Variants in BANP observed in about 807,000 individuals in gnomAD.
BANP encodes BTG3 associated nuclear protein, also known as protein BANP.
Under a neutral mutation model 68.1 loss-of-function variants are expected in BANP, and 11 were observed. The observed-to-expected ratio is 0.16, with a 90% CI of 0.10 to 0.27. The LOEUF (loss-of-function observed/expected upper bound fraction) is 0.27, where lower values mean the gene tolerates loss of function less well. BANP is among the 10% of genes least tolerant of loss of function. The probability of loss-of-function intolerance (pLI) is 1.00; values close to 1 mark genes in which losing one functional copy is unlikely to be tolerated. For missense variants in BANP, 504 were observed against 722.7 expected, an observed-to-expected ratio of 0.70 and a Z score of 3.47; for synonymous variants, 329 against 303.2, an observed-to-expected ratio of 1.09 and a Z score of -0.88.
chr16:87,981,689 T>G (rs190901583), intron 3 of BANP, among the ~76,000 whole-genome samples: 3 of 152,346 alleles, frequency 2.0e-5, no homozygotes, highest in Non-Finnish European at 4.4e-5. Flanking sequence ...ATTGTTTACC[T>G]TGAGATGCTG....
rs144370078 is a variant in BANP at position 87,958,098 on chromosome 16, T to C, written c.-69+6583T>C. Among the ~76,000 whole-genome samples, 1,291 of 152,328 alleles carry C rather than the reference T, an allele frequency of 8.5e-3. 16 individuals are homozygous for C. The highest frequency in any genetic ancestry group is 0.029 in the African/African-American group (1,191 of 41,568). On this transcript the variant is annotated intron_variant, in intron 1 of 13. Transcript: ENST00000682872. ...AGTGGGCAAACACAGTTTGCAATAA[T>C]TGGCCTGTTGTCTTACAATTTCTGG...
intron 1 of BANP, among the ~76,000 whole-genome samples, chr16:87,961,910 G>C (rs542933124): frequency 1.1e-4 from 16 of 152,206 alleles, no homozygotes; most frequent in Admixed American, 4.6e-4. Context: ...TGGGACCCCT[G>C]GACCTTGGAC....
intron 1 of BANP, among the ~76,000 whole-genome samples, chr16:87,962,302 T>TA (rs1387308411): frequency 8.8e-5 from 13 of 147,970 alleles, no homozygotes; most frequent in African/African-American, 3.0e-4. Context: ...CAGTCTCAGA[T>TA]ACTCAGTTAT....
In BANP at chr16:88,002,020, C is replaced by T. The variant is rs2069545605; in HGVS notation, c.363-2275C>T. Among the ~76,000 whole-genome samples, 1 of 152,052 alleles carries T rather than the reference C, an allele frequency of 6.6e-6. No individual in the cohort carries two copies. The highest frequency in any genetic ancestry group is 2.1e-4 in the South Asian group (1 of 4,820). ...CAGAAGAACGTGAATATGTCACCCA[C>T]TTAGAACTAATTCTTGATAATAAAA... On this transcript the variant is annotated intron_variant, in intron 4 of 13. Transcript: ENST00000682872. The surrounding 1 kb of genome is among the most constrained non-coding windows in gnomAD (Gnocchi z 4.6).
intron 11 of BANP, among the ~76,000 whole-genome samples, chr16:88,053,133 C>T (rs1477355233): frequency 6.6e-6 from 1 of 151,648 alleles, no homozygotes; most frequent in Non-Finnish European, 1.5e-5. Flanking sequence ...CTGTCATCTC[C>T]ATCATCATCA....
chr16:87,988,758 C>T (rs531959489), intron 4 of BANP, among the ~76,000 whole-genome samples: 39 of 152,242 alleles, frequency 2.6e-4, no homozygotes, highest in African/African-American at 9.4e-4. Context: ...GTGACGAGGC[C>T]CCCGGAGAGA....
At chr16:87,983,528 G>A (rs971005424) in intron 3 of BANP, among the ~76,000 whole-genome samples, 5 of 152,146 alleles carry the variant, frequency 3.3e-5, no homozygotes, top group African/African-American at 1.2e-4. Flanking sequence ...GTGGAGCCCG[G>A]CTTTGCCAAC....
rs2079833931 is a variant in BANP, at chr16:88,038,103, C to G, written c.1311+92C>G. The G allele has an allele frequency of 5.3e-6, 6 of 1,140,754 alleles. No homozygotes were observed. The East Asian group carries it at 1.2e-4, about 23-fold the overall frequency. 70.7% of individuals were successfully genotyped at this position (1,140,754 alleles called of 1,614,324 possible). On this transcript the variant is annotated intron_variant, in intron 11 of 13. Transcript: ENST00000682872. ...GGGGTGGGACGGTCAGGTGAGTGCC[C>G]TGGTCCCCATGTACATGTGGGCATT...
At position 88,064,833 on chromosome 16, in the gene BANP, G is replaced by A. The variant is rs989770357; in HGVS notation, c.1312-434G>A. On this transcript the variant is annotated intron_variant, in intron 11 of 13. Coordinates refer to ENST00000682872, the MANE Select transcript of BANP (RefSeq NM_001386991.1). This position sits in a 1 kb window ranked among gnomAD's most constrained non-coding sequence, Gnocchi z 4.5. ...CAGGACCCCTCAGCTTCTGAGGGCCGTGGCCTTCAGGCTGTCAGGAGGCCC... is the reference window on the plus strand; with the variant it reads ...CAGGACCCCTCAGCTTCTGAGGGCCATGGCCTTCAGGCTGTCAGGAGGCCC... Among the ~76,000 whole-genome samples the A allele has an allele frequency of 2.6e-5, 4 of 152,208 alleles. No individual in the cohort carries two copies. The highest frequency in any genetic ancestry group is 4.4e-5 in the Non-Finnish European group (3 of 68,028).
intron 11 of BANP, among the ~76,000 whole-genome samples, chr16:88,053,117 C>G (rs1305463923): frequency 6.6e-6 from 1 of 151,950 alleles, no homozygotes. Flanking sequence ...ACCCCCACCT[C>G]CACCACTGTC....
chr16:88,001,623 C>T (rs946319037), intron 4 of BANP, among the ~76,000 whole-genome samples: 9 of 152,130 alleles, frequency 5.9e-5, no homozygotes, highest in Non-Finnish European at 1.3e-4. Flanking sequence ...AAATAATTTA[C>T]TTTTACAGCA....
rs1279495805 is a variant in BANP, at chr16:88,071,789, T to C, written c.1378-280T>C. ...TTTTTCTGTGGAAGCTCTGCCTTGC[T>C]TTTTTTTTTTTCCCTTTTTTCTGCT... On this transcript the variant is annotated intron_variant, in intron 12 of 13. Coordinates refer to ENST00000682872, the MANE Select transcript of BANP (RefSeq NM_001386991.1). This position sits in a 1 kb window ranked among gnomAD's most constrained non-coding sequence, Gnocchi z 6.5. The C allele has an allele frequency of 9.2e-6, 2 of 217,456 alleles. No homozygotes were observed. Among genetic ancestry groups the C allele is most frequent in the Non-Finnish European group, 9.5e-6 (1 of 104,914 alleles). The allele number at this position is 217,456 out of a possible 1,614,324, so 13.5% of individuals were successfully genotyped here.
chr16:88,006,626 T>C (rs942679379), intron 6 of BANP, among the ~76,000 whole-genome samples: 35 of 140,168 alleles, frequency 2.5e-4, no homozygotes, highest in Non-Finnish European at 4.1e-4. Context: ...GCCTGGGCAA[T>C]AGAGGAAACT....
intron 11 of BANP, among the ~76,000 whole-genome samples, chr16:88,049,233 C>A (rs992882831): frequency 2.0e-5 from 3 of 152,196 alleles, no homozygotes; most frequent in African/African-American, 7.2e-5. Context: ...GGGCTTCCCA[C>A]GACCCGTCTT....
At chr16:88,014,499 A>G (rs189815515) in intron 6 of BANP, among the ~76,000 whole-genome samples, 37 of 152,086 alleles carry the variant, frequency 2.4e-4, no homozygotes, top group Non-Finnish European at 4.1e-4. Flanking sequence ...CTTTGACATG[A>G]TTTTGACTCA....
chr16:88,065,064 G>A (rs2088128552), intron 11 of BANP, among the ~76,000 whole-genome samples: 1 of 152,194 alleles, frequency 6.6e-6, no homozygotes, highest in Admixed American at 6.5e-5. Context: ...TGTTGTTTTT[G>A]CTGTTTGGGA....
At chr16:87,960,190 A>AG (rs1201625457) in intron 1 of BANP, among the ~76,000 whole-genome samples, 4 of 152,190 alleles carry the variant, frequency 2.6e-5, no homozygotes, top group Non-Finnish European at 5.9e-5. Context: ...GGATGGCCAC[A>AG]GGGAGGGGAG....
Position 88,071,688 on chromosome 16 carries a change from C to T in BANP, c.1378-381C>T, listed in dbSNP as rs1245926163. The T allele has an allele frequency of 2.0e-6, 1 of 487,822 alleles. No individual in the cohort carries two copies. Among genetic ancestry groups the T allele is most frequent in the Non-Finnish European group, 4.0e-6 (1 of 248,054 alleles). The allele number at this position is 487,822 out of a possible 1,614,324, so 30.2% of individuals were successfully genotyped here. A position where few individuals can be genotyped will look rare whatever the true frequency, so the allele number is the denominator to read the frequency against. ...GCTTGGATTTTAGGCCTCAGTGGCA[C>T]TCTGGGAGCGCTTGTGCTCTTCATG... On this transcript the variant is annotated intron_variant, in intron 12 of 13. Coordinates refer to ENST00000682872, the MANE Select transcript of BANP (RefSeq NM_001386991.1). This position sits in a 1 kb window ranked among gnomAD's most constrained non-coding sequence, Gnocchi z 6.5.
chr16:88,043,368 G>C (rs894264925), intron 11 of BANP, among the ~76,000 whole-genome samples: 3 of 152,190 alleles, frequency 2.0e-5, no homozygotes, highest in Admixed American at 2.0e-4. Context: ...TGGAGTTGTG[G>C]AGAAATGGCT....
Sources: gnomAD v4.1 joint callset for allele counts (sites outside exome capture counted in the v4.1 genomes callset) on GRCh38, gnomAD v4.1.1 for gene constraint, Gnocchi (gnomAD v3.1) non-coding constraint, MANE v1.5 for transcripts, NCBI Gene and HGNC (gene_info 2026-07-23, HGNC 2026-07-21) for gene names.